GPM6A: variants seen among roughly 807,000 people sequenced by gnomAD.
The protein encoded by GPM6A is neuronal membrane glycoprotein M6-a.
In GPM6A, 7 loss-of-function variants were observed where a neutral mutation model predicts 32.1. That is an observed-to-expected ratio of 0.22 (90% CI 0.12 to 0.41). GPM6A has a LOEUF of 0.41. GPM6A is among the 10% of genes least tolerant of loss of function. GPM6A has a pLI of 1.00. For synonymous variants in GPM6A, 130 were observed against 123.4 expected (o/e 1.05, Z -0.35); for missense variants, 235 against 347.2 (o/e 0.68, Z 2.57).
intron 1 of GPM6A, chr4:175,970,797 C>CT (rs1740477180): frequency 2.3e-6 from 1 of 433,946 alleles, no homozygotes; most frequent in Non-Finnish European, 4.5e-6. Flanking sequence ...TTTTATTTTT[C>CT]TTTGTCACCG....
chr4:175,983,009 G>A (rs540306215), intron 1 of GPM6A, among the ~76,000 whole-genome samples: 2 of 151,752 alleles, frequency 1.3e-5, no homozygotes, highest in Non-Finnish European at 2.9e-5. Context: ...ATTTTTTGTG[G>A]GAGTCATAGA....
chr4:175,931,107 G>C (rs1369470090), intron 1 of GPM6A, among the ~76,000 whole-genome samples: 1 of 152,050 alleles, frequency 6.6e-6, no homozygotes, highest in East Asian at 1.9e-4. Context: ...ACATCATAGT[G>C]AATATTAACT....
chr4:175,753,087 G>A (rs536542962), intron 1 of GPM6A, among the ~76,000 whole-genome samples: 3 of 152,220 alleles, frequency 2.0e-5, no homozygotes, highest in African/African-American at 7.2e-5. Context: ...CCAGAGATCT[G>A]CAACTTTATC....
At chr4:176,002,296 C>T in intron 1 of GPM6A, 1 of 1,600,454 alleles carries the variant, frequency 6.2e-7, no homozygotes, top group Middle Eastern at 1.7e-4. Context: ...TACGCGCCCG[C>T]CCGCGCACTC....
At chr4:175,817,165 T>G (rs902611257), upstream of GPM6A, among the ~76,000 whole-genome samples, 5 of 152,224 alleles carry the variant, frequency 3.3e-5, no homozygotes, top group African/African-American at 4.8e-5. Context: ...GGCCAACATT[T>G]TCTTAAAGAA....
At chr4:175,655,484 C>T (rs1403946980) in intron 3 of GPM6A, among the ~76,000 whole-genome samples, 1 of 152,004 alleles carries the variant, frequency 6.6e-6, no homozygotes, top group Non-Finnish European at 1.5e-5. Flanking sequence ...TCTAACTTCA[C>T]ATTTTGAAGC....
chr4:175,835,394 C>G (rs773623080), intron 1 of GPM6A, among the ~76,000 whole-genome samples: 2 of 151,982 alleles, frequency 1.3e-5, no homozygotes, highest in East Asian at 3.9e-4. Flanking sequence ...CCTGACTGTA[C>G]GTTTTGATCA....
intron 1 of GPM6A, among the ~76,000 whole-genome samples, chr4:175,833,930 C>G (rs138058350): frequency 1.3e-5 from 2 of 152,230 alleles, no homozygotes; most frequent in East Asian, 3.9e-4. Context: ...AGTGAAGAAA[C>G]TGGGCTAAAA....
intron 2 of GPM6A, among the ~76,000 whole-genome samples, chr4:175,698,958 T>C (rs985017473): frequency 6.6e-6 from 1 of 152,190 alleles, no homozygotes; most frequent in Non-Finnish European, 1.5e-5. Context: ...ATATCAAATA[T>C]CTTAACAAAT....
At chr4:175,882,960 T>C (rs1369145606) in intron 1 of GPM6A, among the ~76,000 whole-genome samples, 1 of 152,004 alleles carries the variant, frequency 6.6e-6, no homozygotes, top group Non-Finnish European at 1.5e-5. Flanking sequence ...CAGGAATAAT[T>C]GATGTAAATT....
intron 1 of GPM6A, among the ~76,000 whole-genome samples, chr4:175,855,533 A>G (rs1462457610): frequency 6.6e-6 from 1 of 152,214 alleles, no homozygotes; most frequent in Non-Finnish European, 1.5e-5. Context: ...ATGAGACATA[A>G]GGCAAAAGGA....
At chr4:175,912,700 G>T (rs181978111) in intron 1 of GPM6A, among the ~76,000 whole-genome samples, 3 of 152,092 alleles carry the variant, frequency 2.0e-5, no homozygotes, top group Admixed American at 2.0e-4. Context: ...GTACCAGTTT[G>T]ATTTCAAAAG....
At chr4:175,637,673 TAATATATATATAATATATA>T in intron 6 of GPM6A, among the ~76,000 whole-genome samples, 1 of 4,292 alleles carries the variant, frequency 2.3e-4, no homozygotes, top group South Asian at 0.015. Context: ...ATAATATATA[TAATATATATATAATATATA>T]ATATATTATA....
chr4:175,859,558 T>C (rs938857305), intron 1 of GPM6A, among the ~76,000 whole-genome samples: 1 of 152,326 alleles, frequency 6.6e-6, no homozygotes, highest in South Asian at 2.1e-4. Flanking sequence ...CTATGTTTAC[T>C]GTGTAGCAGA....
chr4:175,846,303 C>A (rs185506302), intron 1 of GPM6A, among the ~76,000 whole-genome samples: 17 of 152,210 alleles, frequency 1.1e-4, no homozygotes, highest in Non-Finnish European at 2.1e-4. Flanking sequence ...ATTTTGTACA[C>A]GTTTTTGCTG....
At chr4:175,868,751 A>T (rs79742262) in intron 1 of GPM6A, among the ~76,000 whole-genome samples, 349 of 152,318 alleles carry the variant, frequency 2.3e-3, no homozygotes, top group African/African-American at 8.0e-3. Flanking sequence ...CCTGCCTGTT[A>T]TATCTCATTA....
chr4:175,932,622 A>G lies in GPM6A; in HGVS notation c.-23+69687T>C, dbSNP rs116710904. The stretch of plus-strand genomic sequence containing the variant: ...AGATAATTGGTGGTTTAAAACAAAA[A>G]TAATAGCAAAATATTTTGGATTTAT... On this transcript the variant is annotated intron_variant, in intron 1 of 7. Coordinates refer to the GPM6A transcript ENST00000280187. Among the ~76,000 whole-genome samples, 948 of 152,308 alleles carry G rather than the reference A, an allele frequency of 6.2e-3. 11 individuals are homozygous for G. The highest frequency in any genetic ancestry group is 0.021 in the African/African-American group (887 of 41,570).
At chr4:175,963,536 C>T (rs1324607723) in intron 1 of GPM6A, among the ~76,000 whole-genome samples, 2 of 151,766 alleles carry the variant, frequency 1.3e-5, no homozygotes, top group Admixed American at 6.6e-5. Flanking sequence ...AAAACCCACC[C>T]ACCTAGAAAA....
At chr4:175,997,618 A>G (rs893751047) in intron 1 of GPM6A, among the ~76,000 whole-genome samples, 1 of 152,042 alleles carries the variant, frequency 6.6e-6, no homozygotes, top group Non-Finnish European at 1.5e-5. Flanking sequence ...TGCTTCTCCT[A>G]TTTCAAACCT....
Sources: allele counts gnomAD v4.1 joint callset (sites outside exome capture counted in the v4.1 genomes callset), GRCh38; gene constraint gnomAD v4.1.1; transcripts MANE v1.5; gene names NCBI Gene and HGNC (gene_info 2026-07-23, HGNC 2026-07-21).